The following CDC42BPB variants were observed in gnomAD, a reference collection of about 807,000 sequenced individuals.
The protein encoded by CDC42BPB is CDC42 binding protein kinase beta, also known as serine/threonine-protein kinase MRCK beta.
CDC42BPB carries 37 observed loss-of-function variants against 214.9 expected under a neutral mutation model. The ratio of observed to expected loss-of-function variants is 0.17; its 90% CI spans 0.13 to 0.23. The LOEUF (loss-of-function observed/expected upper bound fraction) is 0.23, where lower values mean the gene tolerates loss of function less well. Among genes scored for constraint, CDC42BPB ranks in the 10% least tolerant of loss-of-function variants. The pLI is 1.00. For synonymous variants in CDC42BPB, 931 were observed against 884.0 expected (o/e 1.05, Z -0.94); for missense variants, 1,694 against 2,227.0 (o/e 0.76, Z 4.82).
In CDC42BPB at chr14:102,933,753, G is replaced by A; in HGVS notation, c.5095C>T (p.Leu1699Phe). The change falls in exon 37 of 37, where the codon CTC becomes TTC. Residue 1699 changes from leucine (L) to phenylalanine (F), a missense_variant. Physicochemically the swap from Leu to Phe is conservative, Grantham distance 22. Coordinates refer to ENST00000361246, the MANE Select transcript of CDC42BPB (RefSeq NM_006035.4). Reference sequence around the variant, plus strand: ...GGCTGCTCCAGGCCTTCGAGGGGGAGCTGGCTCCTGTGGGGGGAGTTGGGG... The same window carrying A: ...GGCTGCTCCAGGCCTTCGAGGGGGAACTGGCTCCTGTGGGGGGAGTTGGGG... ...PSPNSPHRSQ[L>F]PLEGLEQPAC... 1.3e-6 allele frequency: 2 copies of A among 1,496,402 alleles called. No individual in the cohort carries two copies. Among genetic ancestry groups the A allele is most frequent in the Non-Finnish European group, 8.8e-7 (1 of 1,137,750 alleles). The allele number at this position is 1,496,402 out of a possible 1,614,324, so 92.7% of individuals were successfully genotyped here.
intron 26 of CDC42BPB, among the ~76,000 whole-genome samples, chr14:102,948,798 C>T (rs1050690386): frequency 2.0e-5 from 3 of 151,948 alleles, no homozygotes; most frequent in East Asian, 1.9e-4. Flanking sequence ...CTGAGCCCTC[C>T]GATGGGGCCC....
At chr14:102,983,782 G>A in intron 6 of CDC42BPB, 26 bp from the exon 7 acceptor site, 1 of 1,605,576 alleles carries the variant, frequency 6.2e-7, no homozygotes, top group Admixed American at 1.7e-5. Context: ...GGTGCTGAAG[G>A]AAACCCTAGG....
intron 12 of CDC42BPB, among the ~76,000 whole-genome samples, chr14:102,972,987 C>T (rs35740058): frequency 5.9e-5 from 9 of 152,332 alleles, no homozygotes; most frequent in African/African-American, 9.6e-5. Flanking sequence ...GACTGATGTG[C>T]GGATACTGGC....
chr14:102,968,393 C>A, intron 15 of CDC42BPB, 35 bp from the exon 16 acceptor site: 1 of 1,612,730 alleles, frequency 6.2e-7, no homozygotes, highest in Non-Finnish European at 8.5e-7. Flanking sequence ...TTTAAAAGCT[C>A]GTAACTTCAC....
chr14:102,933,478 G>C lies in CDC42BPB; in HGVS notation c.*234C>G. ...GACAGGCTGTATGGGGGTCCTTCATGTGCAGATGGAACAGCATCGCCTCAC... is the reference window on the plus strand; with the variant it reads ...GACAGGCTGTATGGGGGTCCTTCATCTGCAGATGGAACAGCATCGCCTCAC... On this transcript the variant is annotated 3_prime_UTR_variant, in exon 37 of 37. Coordinates refer to ENST00000361246, the MANE Select transcript of CDC42BPB (RefSeq NM_006035.4). 2.5e-6 allele frequency: 1 copy of C among 400,114 alleles called. No individual in the cohort carries two copies. The highest frequency in any genetic ancestry group is 3.8e-5 in the East Asian group (1 of 26,294). 24.8% of individuals were successfully genotyped at this position (400,114 alleles called of 1,614,324 possible). A position where few individuals can be genotyped will look rare whatever the true frequency, so the allele number is the denominator to read the frequency against.
intron 1 of CDC42BPB, among the ~76,000 whole-genome samples, chr14:103,021,201 C>A (rs891909049): frequency 1.3e-5 from 2 of 152,218 alleles, no homozygotes; most frequent in Non-Finnish European, 2.9e-5. Context: ...TGGCTCACAC[C>A]TGTAATCCCA....
At chr14:102,942,338 C>T (rs557798413) in intron 30 of CDC42BPB, among the ~76,000 whole-genome samples, 19 of 152,196 alleles carry the variant, frequency 1.2e-4, no homozygotes, top group African/African-American at 4.3e-4. Flanking sequence ...CTAGCCACGA[C>T]GCCCTGGGTA....
chr14:102,935,190 A>G (rs938942081), intron 36 of CDC42BPB, among the ~76,000 whole-genome samples: 3 of 152,204 alleles, frequency 2.0e-5, no homozygotes, highest in African/African-American at 4.8e-5. Flanking sequence ...TTTGCAGATG[A>G]CATGATTATA....
chr14:102,946,459 G>A lies in CDC42BPB; in HGVS notation c.3748+9C>T. 6.2e-7 allele frequency: 1 copy of A among 1,612,336 alleles called. No individual in the cohort carries two copies. The highest frequency in any genetic ancestry group is 1.3e-5 in the African/African-American group (1 of 75,040). The stretch of plus-strand genomic sequence containing the variant: ...CAGACACCTGAAGGACACAACCTTT[G>A]GGACGTACCCACGATGGCAGCTGTC... On this transcript the variant is annotated intron_variant, in intron 28 of 36. Coordinates refer to ENST00000361246, the MANE Select transcript of CDC42BPB (RefSeq NM_006035.4).
chr14:102,964,428 C>G, intron 19 of CDC42BPB, 74 bp downstream of exon 19: 1 of 1,549,194 alleles, frequency 6.5e-7, no homozygotes, highest in African/African-American at 1.4e-5. Flanking sequence ...GCATCGGAGC[C>G]CGTGAGGCTC....
At chr14:102,983,519 C>G in intron 7 of CDC42BPB, 37 bp downstream of exon 7, 1 of 1,585,312 alleles carries the variant, frequency 6.3e-7, no homozygotes, top group African/African-American at 1.4e-5. Flanking sequence ...AGGCCTGAGC[C>G]AGGTACCAAA....
At position 102,999,728 on chromosome 14, in the gene CDC42BPB, G is replaced by T. The variant is rs1453166528; in HGVS notation, c.448-15C>A. 3 of 1,613,924 alleles carry T rather than the reference G, an allele frequency of 1.9e-6. No individual in the cohort carries two copies. The South Asian group carries it at 3.3e-5, about 18-fold the overall frequency. ...ATGACTAAGTACTACAAATTGGAAA[G>T]AGAAGGGGAGAGAATACCACATTTA... On this transcript the variant is annotated splice_polypyrimidine_tract_variant and intron_variant, in intron 4 of 36. Coordinates refer to ENST00000361246, the MANE Select transcript of CDC42BPB (RefSeq NM_006035.4).
rs546271938 is a variant in CDC42BPB, at chr14:102,964,819, C to CT, written c.2578-170dup. On this transcript the variant is annotated intron_variant, in intron 18 of 36. Coordinates refer to ENST00000361246, the MANE Select transcript of CDC42BPB (RefSeq NM_006035.4). ...GAGTTTTAGTTTTGATATTTTATGA[C>CT]TTTTTTTACTCTTCCTCAGAAATCT... is the stretch of plus-strand genomic sequence containing the variant. The CT allele has an allele frequency of 3.9e-4, 359 of 930,382 alleles. 2 individuals are homozygous for CT. The South Asian group carries it at 8.2e-3, about 21-fold the overall frequency. 57.6% of individuals were successfully genotyped at this position (930,382 alleles called of 1,614,324 possible). A position where few individuals can be genotyped will look rare whatever the true frequency, so the allele number is the denominator to read the frequency against.
In CDC42BPB at chr14:103,047,477, G is replaced by GTACCAACAC. The variant is rs1888358103; in HGVS notation, c.175+9521_175+9522insGTGTTGGTA. Among the ~76,000 whole-genome samples the GTACCAACAC allele has an allele frequency of 3.9e-5, 6 of 152,190 alleles. No individual in the cohort carries two copies. The South Asian group carries it at 6.2e-4, about 16-fold the overall frequency. On this transcript the variant is annotated intron_variant, in intron 1 of 36. Coordinates refer to ENST00000361246, the MANE Select transcript of CDC42BPB (RefSeq NM_006035.4). ...ACACAGAGACTTGGAAACCATCGTG[G>GTACCAACAC]TCTCCGACTTCTCATTACCAACACT...
Position 102,954,617 on chromosome 14 carries a change from T to G in CDC42BPB, c.2973A>C (p.Ala991=), listed in dbSNP as rs138037625. ...PEASPSMSVA[A]SEQQEDMARP... ...GCTGTCTCACCTCCTGCTGCTCTGA[T>G]GCAGCCACAGACATCGACGGGGACG... Residue 991 remains alanine, a synonymous_variant, in exon 22 of 37, where the codon GCA becomes GCC. Transcript: ENST00000361246. The G allele has an allele frequency of 6.2e-7, 1 of 1,613,488 alleles. No homozygotes were observed. The highest frequency in any genetic ancestry group is 8.5e-7 in the Non-Finnish European group (1 of 1,179,600).
In CDC42BPB at chr14:103,057,483, G is replaced by A. The variant is rs1595209525; in HGVS notation, c.-310C>T. 1.0e-5 allele frequency: 2 copies of A among 198,294 alleles called. No homozygotes were observed. Among genetic ancestry groups the A allele is most frequent in the Non-Finnish European group, 1.8e-5 (2 of 112,840 alleles). The allele number at this position is 198,294 out of a possible 1,614,324, so 12.3% of individuals were successfully genotyped here. ...CGCCCGCGGCCGCGCCCTCCCCGCC[G>A]CCGCCGCCGCAGACTAGGAGCGGCG... is the stretch of plus-strand genomic sequence containing the variant. On this transcript the variant is annotated 5_prime_UTR_variant, in exon 1 of 37. Transcript: ENST00000361246.
intron 1 of CDC42BPB, among the ~76,000 whole-genome samples, chr14:103,028,571 A>G (rs1472610541): frequency 1.3e-5 from 2 of 152,204 alleles, no homozygotes; most frequent in Non-Finnish European, 2.9e-5. Context: ...AACAGCATGG[A>G]AGCCCCTCCC....
rs1025542336 is a variant in CDC42BPB, at chr14:102,943,422, A to G, written c.4408+469T>C. ...AACTGTTTGAAAAACAGCCCCTACC[A>G]CTTTCAGAAAATACTTGTCCTTAGA... On this transcript the variant is annotated intron_variant, in intron 30 of 36. Coordinates refer to ENST00000361246, the MANE Select transcript of CDC42BPB (RefSeq NM_006035.4). The surrounding 1 kb of genome is among the most constrained non-coding windows in gnomAD (Gnocchi z 4.6). Among the ~76,000 whole-genome samples the G allele has an allele frequency of 1.3e-5, 2 of 152,118 alleles. No individual in the cohort carries two copies. Among genetic ancestry groups the G allele is most frequent in the African/African-American group, 4.8e-5 (2 of 41,422 alleles).
intron 5 of CDC42BPB, among the ~76,000 whole-genome samples, chr14:102,989,879 AAAG>A (rs1894413866): frequency 6.6e-6 from 1 of 152,144 alleles, no homozygotes; most frequent in African/African-American, 2.4e-5. Flanking sequence ...AAGAAAAAAA[AAAG>A]AATGAAGAGC....
Sources: gnomAD v4.1 joint callset for allele counts (sites outside exome capture counted in the v4.1 genomes callset) on GRCh38, gnomAD v4.1.1 for gene constraint, Gnocchi (gnomAD v3.1) non-coding constraint, MANE v1.5 for transcripts, NCBI Gene and HGNC (gene_info 2026-07-23, HGNC 2026-07-21) for gene names.